The following ADAMTS12 variants were observed in gnomAD, a reference collection of about 807,000 sequenced individuals.
ADAMTS12 encodes A disintegrin and metalloproteinase with thrombospondin motifs 12.
ADAMTS12 carries 118 observed loss-of-function variants against 167.8 expected under a neutral mutation model. That is an observed-to-expected ratio of 0.70 (90% CI 0.61 to 0.82). ADAMTS12 has a LOEUF of 0.82. ADAMTS12 is among the 40% of genes least tolerant of loss of function. The probability of loss-of-function intolerance (pLI) is 0.00; values close to 1 mark genes in which losing one functional copy is unlikely to be tolerated. For synonymous variants in ADAMTS12, 704 were observed against 716.9 expected, an observed-to-expected ratio of 0.98 and a Z score of 0.29; for missense variants, 1,916 against 1,998.8, an observed-to-expected ratio of 0.96 and a Z score of 0.79.
At chr5:33,870,818 G>A (rs1259438855) in intron 2 of ADAMTS12, among the ~76,000 whole-genome samples, 2 of 152,048 alleles carry the variant, frequency 1.3e-5, no homozygotes, top group Admixed American at 6.6e-5. Flanking sequence ...CTACCCCTTC[G>A]CTTTCTCTTC....
intron 2 of ADAMTS12, among the ~76,000 whole-genome samples, chr5:33,842,138 T>C (rs888467120): frequency 6.6e-6 from 1 of 152,214 alleles, no homozygotes; most frequent in Non-Finnish European, 1.5e-5. Flanking sequence ...AAAAGGATTA[T>C]GACTTTACTT....
chr5:33,830,983 C>T (rs1413528261), intron 2 of ADAMTS12, among the ~76,000 whole-genome samples: 1 of 152,026 alleles, frequency 6.6e-6, no homozygotes, highest in Admixed American at 6.6e-5. Context: ...GCTTTTGGTT[C>T]CTGATTTAAT....
At chr5:33,668,734 T>C (rs1373491125) in intron 5 of ADAMTS12, among the ~76,000 whole-genome samples, 1 of 152,204 alleles carries the variant, frequency 6.6e-6, no homozygotes. Context: ...TCCATCTGCC[T>C]TGGCCTCCCA....
chr5:33,570,084 T>C (rs1746244230), intron 19 of ADAMTS12, among the ~76,000 whole-genome samples: 1 of 152,086 alleles, frequency 6.6e-6, no homozygotes, highest in South Asian at 2.1e-4. Context: ...TTCCAAGAAA[T>C]ATGGGACTAT....
intron 14 of ADAMTS12, among the ~76,000 whole-genome samples, chr5:33,623,819 G>A (rs991770773): frequency 1.3e-5 from 2 of 152,190 alleles, no homozygotes; most frequent in African/African-American, 4.8e-5. Context: ...TACAGAATCT[G>A]TCCTTGTGTC....
chr5:33,626,610 T>C (rs547010009), intron 13 of ADAMTS12, among the ~76,000 whole-genome samples: 2 of 148,524 alleles, frequency 1.3e-5, no homozygotes, highest in South Asian at 4.3e-4. Flanking sequence ...GTGGTGGTGG[T>C]GGTGAGGTGA....
intron 2 of ADAMTS12, among the ~76,000 whole-genome samples, chr5:33,797,256 C>G (rs1746812024): frequency 6.6e-6 from 1 of 152,088 alleles, no homozygotes; most frequent in South Asian, 2.1e-4. Context: ...CTGTAATCTT[C>G]CTGGCCAAGC....
intron 22 of ADAMTS12, among the ~76,000 whole-genome samples, chr5:33,538,406 G>A (rs917448811): frequency 2.6e-5 from 4 of 152,164 alleles, no homozygotes; most frequent in Non-Finnish European, 1.5e-5. Context: ...AATCCAAGAT[G>A]AGATTTGGGT....
At chr5:33,747,656 AAAG>A (rs1744836941) in intron 3 of ADAMTS12, among the ~76,000 whole-genome samples, 1 of 152,200 alleles carries the variant, frequency 6.6e-6, no homozygotes, top group Non-Finnish European at 1.5e-5. Flanking sequence ...AGATCTACTC[AAAG>A]GAGATTGGAT....
intron 3 of ADAMTS12, among the ~76,000 whole-genome samples, chr5:33,736,064 T>C (rs1744363978): frequency 2.0e-5 from 3 of 151,364 alleles, no homozygotes; most frequent in South Asian, 4.2e-4. Flanking sequence ...GCTGTTTTTT[T>C]TTTTTCTTTT....
At chr5:33,781,491 C>T (rs1746126273) in intron 2 of ADAMTS12, among the ~76,000 whole-genome samples, 1 of 152,126 alleles carries the variant, frequency 6.6e-6, no homozygotes, top group African/African-American at 2.4e-5. Flanking sequence ...GACCAGGGAC[C>T]ACACTAAGTG....
chr5:33,755,643 C>T (rs996343341), intron 2 of ADAMTS12, among the ~76,000 whole-genome samples: 41 of 152,202 alleles, frequency 2.7e-4, no homozygotes, highest in African/African-American at 9.9e-4. Flanking sequence ...AGTCACCCAC[C>T]CCATGCTGTT....
chr5:33,879,376 G>T lies in ADAMTS12; in HGVS notation c.489+1743C>A, dbSNP rs574384893. Among the ~76,000 whole-genome samples the T allele has an allele frequency of 1.7e-4, 26 of 152,242 alleles. No homozygotes were observed. The East Asian group carries it at 2.9e-3, about 17-fold the overall frequency. The stretch of plus-strand genomic sequence containing the variant: ...GCTCATGTTTAATGAGCAGGATAAT[G>T]TTTCATCATCCAGAACTTTCTCCAG... On this transcript the variant is annotated intron_variant, in intron 2 of 23. Coordinates refer to ENST00000504830, the MANE Select transcript of ADAMTS12 (RefSeq NM_030955.4).
At chr5:33,545,793 T>G (rs1744943628) in intron 22 of ADAMTS12, among the ~76,000 whole-genome samples, 1 of 140,250 alleles carries the variant, frequency 7.1e-6, no homozygotes, top group Non-Finnish European at 1.5e-5. Context: ...TTCTCACTCA[T>G]AGGTGGGAAC....
At chr5:33,725,361 C>T (rs983972906) in intron 3 of ADAMTS12, among the ~76,000 whole-genome samples, 1 of 152,132 alleles carries the variant, frequency 6.6e-6, no homozygotes, top group Admixed American at 6.5e-5. Flanking sequence ...GAAGGGAATG[C>T]ATTGGTGCAA....
intron 3 of ADAMTS12, among the ~76,000 whole-genome samples, chr5:33,743,941 T>A (rs10941085): frequency 0.66 from 100,494 of 152,038 alleles, 34,130 homozygotes; most frequent in Non-Finnish European, 0.75. Context: ...GCCATTCAGA[T>A]CATACACTGA....
Position 33,891,695 on chromosome 5 carries a change from ACT to A in ADAMTS12, c.127+33_127+34del, listed in dbSNP as rs758898313. 24 of 1,612,962 alleles carry A rather than the reference ACT, an allele frequency of 1.5e-5. No individual in the cohort carries two copies. In the South Asian group the frequency reaches 2.5e-4, roughly 17 times the overall value. On this transcript the variant is annotated intron_variant, in intron 1 of 23. Transcript: ENST00000504830. ...CAAAATTCCCGCAAGTCTTACCACC[ACT>A]GTTTTAAAAAGAAATAAAGAAGAGT...
At chr5:33,690,556 T>G (rs1459686677) in intron 3 of ADAMTS12, among the ~76,000 whole-genome samples, 2 of 152,036 alleles carry the variant, frequency 1.3e-5, no homozygotes, top group African/African-American at 4.8e-5. Context: ...AAAAGGAAGA[T>G]GGAAATGGTA....
At chr5:33,874,726 T>C in intron 2 of ADAMTS12, among the ~76,000 whole-genome samples, 1 of 152,100 alleles carries the variant, frequency 6.6e-6, no homozygotes, top group East Asian at 1.9e-4. Context: ...TACATCCAGA[T>C]AATAAAATAT....
Sources: allele counts gnomAD v4.1 joint callset (sites outside exome capture counted in the v4.1 genomes callset), GRCh38; gene constraint gnomAD v4.1.1; transcripts MANE v1.5; gene names NCBI Gene and HGNC (gene_info 2026-07-23, HGNC 2026-07-21).